Variants in FHL2 observed in about 807,000 individuals in gnomAD.
The protein encoded by FHL2 is four and a half LIM domains 2, also known as four and a half LIM domains protein 2.
In FHL2, 20 loss-of-function variants were observed where a neutral mutation model predicts 32.7. The observed-to-expected ratio is 0.61, with a 90% confidence interval of 0.43 to 0.89. FHL2 has a LOEUF of 0.89. Ranked by LOEUF, FHL2 falls within the 40% of genes least tolerant of loss-of-function variation. FHL2 has a pLI of 0.00. For synonymous variants in FHL2, 123 were observed against 128.1 expected, an observed-to-expected ratio of 0.96 and a Z score of 0.27; for missense variants, 311 against 358.6, an observed-to-expected ratio of 0.87 and a Z score of 1.07.
chr2:105,403,815 G>A (rs1683546915), upstream of FHL2, among the ~76,000 whole-genome samples: 1 of 152,168 alleles, frequency 6.6e-6, no homozygotes, highest in Non-Finnish European at 1.5e-5. Context: ...AAATCCAGTT[G>A]GAAGTATTAC....
At position 105,373,682 on chromosome 2, in the gene FHL2, G is replaced by C. The variant is rs768818976; in HGVS notation, c.208C>G (p.Gln70Glu). The change falls in exon 4 of 7, where the codon CAG becomes GAG. Residue 70 changes from glutamine to glutamate, a missense_variant. Coordinates refer to ENST00000530340, the MANE Select transcript of FHL2 (RefSeq NM_001318895.3). Reference sequence around the variant, plus strand: ...TTGTCCACCAGTGAGTTTCTGCACTGCGAGCAGTGGAAACAGGCTTCATGC... The same window carrying C: ...TTGTCCACCAGTGAGTTTCTGCACTCCGAGCAGTGGAAACAGGCTTCATGC... ...HWHEACFHCSQCRNSLVDKPF... is the reference protein window; with the variant it reads ...HWHEACFHCSECRNSLVDKPF... 2.4e-5 allele frequency: 39 copies of C among 1,614,098 alleles called. No homozygotes were observed. The highest frequency in any genetic ancestry group is 3.0e-5 in the Non-Finnish European group (35 of 1,180,048).
chr2:105,437,401 G>A (rs747098274), intron 1 of FHL2, among the ~76,000 whole-genome samples: 22 of 152,028 alleles, frequency 1.4e-4, no homozygotes, highest in Non-Finnish European at 2.6e-4. Flanking sequence ...ACACTCACAT[G>A]TACCCCATAA....
At position 105,437,511 on chromosome 2, in the gene FHL2, C is replaced by G. The variant is rs138611378; in HGVS notation, c.-25+888G>C. Reference sequence around the variant, plus strand: ...AAACAAATAAAACAACTATAGTAAACTTACATATAGCAAATATGAGCTACA... The same window carrying G: ...AAACAAATAAAACAACTATAGTAAAGTTACATATAGCAAATATGAGCTACA... On this transcript the variant is annotated intron_variant, in intron 1 of 5. Transcript: ENST00000393352. Among the ~76,000 whole-genome samples the G allele has an allele frequency of 9.2e-4, 140 of 152,238 alleles. 1 individual carries two copies. The highest frequency in any genetic ancestry group is 3.3e-3 in the African/African-American group (136 of 41,548).
At chr2:105,421,925 C>A (rs1684113524) in intron 1 of FHL2, among the ~76,000 whole-genome samples, 1 of 152,178 alleles carries the variant, frequency 6.6e-6, no homozygotes, top group African/African-American at 2.4e-5. Context: ...ACCCACCATG[C>A]TAGTTTTATA....
intron 1 of FHL2, among the ~76,000 whole-genome samples, chr2:105,423,874 CT>C (rs1292071515): frequency 6.6e-6 from 1 of 152,146 alleles, no homozygotes; most frequent in Non-Finnish European, 1.5e-5. Flanking sequence ...CAAAAATTGA[CT>C]CAAGATGGGT....
chr2:105,407,890 C>T (rs560101887), intron 1 of FHL2, among the ~76,000 whole-genome samples: 13 of 152,298 alleles, frequency 8.5e-5, no homozygotes, highest in Middle Eastern at 3.4e-3. Context: ...CAAACGGAAG[C>T]CACCATCTTA....
intron 1 of FHL2, among the ~76,000 whole-genome samples, chr2:105,412,527 T>TTCA: frequency 6.6e-6 from 1 of 152,302 alleles, no homozygotes; most frequent in South Asian, 2.1e-4. Context: ...TTGGAGCTGA[T>TTCA]GGTATGAACA....
chr2:105,365,023 G>A (rs535773658), intron 5 of FHL2, among the ~76,000 whole-genome samples: 45 of 152,312 alleles, frequency 3.0e-4, no homozygotes, highest in South Asian at 8.3e-4. Context: ...TAGCCTGTGT[G>A]TGTAAGACAT....
intron 1 of FHL2, among the ~76,000 whole-genome samples, chr2:105,432,221 C>T (rs1459992152): frequency 6.6e-6 from 1 of 152,220 alleles, no homozygotes; most frequent in Non-Finnish European, 1.5e-5. Context: ...AGTCCCAACA[C>T]ATTTGCACCT....
At chr2:105,366,216 AG>A (rs1339798361) in intron 5 of FHL2, among the ~76,000 whole-genome samples, 1 of 152,004 alleles carries the variant, frequency 6.6e-6, no homozygotes, top group African/African-American at 2.4e-5. Flanking sequence ...TCTCAAAAAA[AG>A]AAAAAAAAAA....
At chr2:105,399,386 A>ATCTCT (rs1203906247), upstream of FHL2, 2 of 1,535,830 alleles carry the variant, frequency 1.3e-6, no homozygotes, top group East Asian at 2.4e-5. Flanking sequence ...TGGTCCCAGG[A>ATCTCT]GCGGGAGACT....
intron 1 of FHL2, among the ~76,000 whole-genome samples, chr2:105,431,365 G>C (rs1466506818): frequency 6.6e-6 from 1 of 152,236 alleles, no homozygotes; most frequent in African/African-American, 2.4e-5. Context: ...GAGATAGCAA[G>C]TGAACCAGGG....
chr2:105,420,682 T>C (rs1684073870), intron 1 of FHL2, among the ~76,000 whole-genome samples: 1 of 152,218 alleles, frequency 6.6e-6, no homozygotes, highest in South Asian at 2.1e-4. Flanking sequence ...AATTTTTCCA[T>C]GAATTGGGAG....
intron 1 of FHL2, among the ~76,000 whole-genome samples, chr2:105,423,022 G>T (rs1684151880): frequency 6.6e-6 from 1 of 152,136 alleles, no homozygotes; most frequent in Admixed American, 6.5e-5. Flanking sequence ...CTCCCTCATA[G>T]TGGAAAGCAA....
chr2:105,374,850 T>C (rs1322401785), intron 3 of FHL2, among the ~76,000 whole-genome samples: 1 of 152,192 alleles, frequency 6.6e-6, no homozygotes, highest in African/African-American at 2.4e-5. Flanking sequence ...CAAATCATCA[T>C]CCATTTATAC....
chr2:105,401,193 T>C (rs1409124902), upstream of FHL2, among the ~76,000 whole-genome samples: 1 of 152,058 alleles, frequency 6.6e-6, no homozygotes, highest in African/African-American at 2.4e-5. Flanking sequence ...AATGAACAAT[T>C]TATGTTAGGG....
intron 3 of FHL2, among the ~76,000 whole-genome samples, chr2:105,383,553 C>G (rs113417943): frequency 2.0e-5 from 3 of 152,256 alleles, no homozygotes; most frequent in African/African-American, 7.2e-5. Context: ...AGCCTAATTC[C>G]CATAGGCATG....
rs749715297 is a variant in FHL2, at chr2:105,367,667, G to T, written c.404C>A (p.Pro135Gln). 1 of 1,614,228 alleles carries T rather than the reference G, an allele frequency of 6.2e-7. No individual in the cohort carries two copies. The highest frequency in any genetic ancestry group is 1.1e-5 in the South Asian group (1 of 91,088). Reference sequence around the variant, plus strand: ...GGGGATGAAACTCTTGGTTCCAATTGGCTGCTGGCAGCGGTGGCAGATGAA... The same window carrying T: ...GGGGATGAAACTCTTGGTTCCAATTTGCTGCTGGCAGCGGTGGCAGATGAA... ...TCFICHRCQQ[P>Q]IGTKSFIPKD... The change falls in exon 5 of 7, where the codon CCA (proline) becomes CAA (glutamine). Residue 135 changes from proline (P) to glutamine (Q), a missense_variant. Transcript: ENST00000530340.
intron 3 of FHL2, among the ~76,000 whole-genome samples, chr2:105,382,356 A>G (rs1225751005): frequency 7.9e-5 from 12 of 152,202 alleles, no homozygotes; most frequent in Non-Finnish European, 1.3e-4. Flanking sequence ...AGTCACATAG[A>G]CAGGGTCCTG....
Sources: gnomAD v4.1 joint callset for allele counts (sites outside exome capture counted in the v4.1 genomes callset) on GRCh38, gnomAD v4.1.1 for gene constraint, MANE v1.5 for transcripts, NCBI Gene and HGNC (gene_info 2026-07-23, HGNC 2026-07-21) for gene names.